The following HIP1 variants were observed in gnomAD, a reference collection of about 807,000 sequenced individuals.
HIP1 encodes huntingtin interacting protein 1, also known as huntingtin-interacting protein 1.
A neutral mutation model predicts 147.6 loss-of-function variants in HIP1; 65 were observed. The ratio of observed to expected loss-of-function variants is 0.44; its 90% CI spans 0.36 to 0.54. HIP1 has a LOEUF of 0.54. HIP1 is among the 20% of genes least tolerant of loss of function. The pLI is 0.00. For synonymous variants in HIP1, 479 were observed against 504.0 expected (o/e 0.95, Z 0.67); for missense variants, 1,061 against 1,299.6 (o/e 0.82, Z 2.82).
At chr7:75,631,289 AAGTG>A (rs1212416658) in intron 1 of HIP1, among the ~76,000 whole-genome samples, 11 of 152,122 alleles carry the variant, frequency 7.2e-5, no homozygotes, top group African/African-American at 2.7e-4. Context: ...CAAGTACTTT[AAGTG>A]AGCATCTTGA....
At position 75,547,726 on chromosome 7, in the gene HIP1, C is replaced by T. The variant is rs782755758; in HGVS notation, c.2465+29G>A. 251 of 1,591,618 alleles carry T rather than the reference C, an allele frequency of 1.6e-4. 1 individual carries two copies. The East Asian group carries it at 4.6e-3, about 29-fold the overall frequency. ...TGTCAGGAAGACAGATCCTGCTCCC[C>T]TAGGTCCCACCATGCCGCTCAGACC... is the stretch of plus-strand genomic sequence containing the variant. On this transcript the variant is annotated intron_variant, in intron 24 of 30. Transcript: ENST00000336926.
At chr7:75,599,399 G>T in intron 1 of HIP1, 152 bp from the exon 2 acceptor site, 3 of 634,584 alleles carry the variant, frequency 4.7e-6, no homozygotes, top group East Asian at 2.7e-5. Context: ...GCGCCCAGCT[G>T]GGGGCAGAGG....
chr7:75,638,057 G>A (rs917132463), intron 1 of HIP1, among the ~76,000 whole-genome samples: 1 of 113,084 alleles, frequency 8.8e-6, no homozygotes, highest in Non-Finnish European at 1.7e-5. Context: ...TCCTTTCCTC[G>A]AAAGCCCTGA....
chr7:75,581,216 G>T, intron 7 of HIP1, 21 bp downstream of exon 7: 1 of 1,588,432 alleles, frequency 6.3e-7, no homozygotes, highest in Non-Finnish European at 8.6e-7. Flanking sequence ...GCCTGGGTTA[G>T]ACGGGAGGGA....
At chr7:75,681,705 C>A (rs553270170) in intron 1 of HIP1, among the ~76,000 whole-genome samples, 1 of 151,940 alleles carries the variant, frequency 6.6e-6, no homozygotes, top group East Asian at 1.9e-4. Flanking sequence ...CAAGGTCTCA[C>A]TATGTTGCCC....
intron 1 of HIP1, among the ~76,000 whole-genome samples, chr7:75,606,150 G>T (rs1250752915): frequency 6.6e-6 from 1 of 152,066 alleles, no homozygotes; most frequent in Non-Finnish European, 1.5e-5. Flanking sequence ...TGCCCAGCCA[G>T]AAGCTATTTA....
At chr7:75,591,993 C>A in intron 4 of HIP1, 63 bp downstream of exon 4, 1 of 1,290,908 alleles carries the variant, frequency 7.7e-7, no homozygotes, top group Non-Finnish European at 1.1e-6. Flanking sequence ...CCAGTCCTTG[C>A]TCTGTGGCCT....
intron 29 of HIP1, among the ~76,000 whole-genome samples, chr7:75,541,051 G>A (rs587604031): frequency 8.6e-5 from 13 of 150,956 alleles, no homozygotes; most frequent in African/African-American, 3.2e-4. Flanking sequence ...GGTTGTGTGA[G>A]GCCAGGAGTT....
At chr7:75,711,119 T>C (rs1801155416) in intron 1 of HIP1, among the ~76,000 whole-genome samples, 1 of 152,170 alleles carries the variant, frequency 6.6e-6, no homozygotes, top group Non-Finnish European at 1.5e-5. Flanking sequence ...ATGTTGTGGA[T>C]ATAATGTGTA....
intron 1 of HIP1, among the ~76,000 whole-genome samples, chr7:75,693,636 A>T (rs1455617407): frequency 1.3e-5 from 2 of 151,952 alleles, no homozygotes; most frequent in African/African-American, 4.8e-5. Flanking sequence ...GCGCTTTGGG[A>T]GGCCGAGGTG....
intron 8 of HIP1, among the ~76,000 whole-genome samples, chr7:75,571,945 C>G (rs981323819): frequency 5.9e-5 from 9 of 152,122 alleles, no homozygotes; most frequent in African/African-American, 2.2e-4. Flanking sequence ...TGTGGTGGGT[C>G]ATACCTGTAA....
chr7:75,631,050 C>T (rs1584900709), intron 1 of HIP1, among the ~76,000 whole-genome samples: 1 of 152,134 alleles, frequency 6.6e-6, no homozygotes, highest in African/African-American at 2.4e-5. Context: ...AACTCTTGGG[C>T]TCAAGTGATC....
intron 1 of HIP1, among the ~76,000 whole-genome samples, chr7:75,713,701 A>AT (rs10685090): frequency 0.027 from 3,915 of 146,008 alleles, 153 homozygotes; most frequent in African/African-American, 0.083. Context: ...GTGACATGCC[A>AT]TTTTTTTTTT....
At chr7:75,685,098 A>G (rs1780679405) in intron 1 of HIP1, among the ~76,000 whole-genome samples, 2 of 152,036 alleles carry the variant, frequency 1.3e-5, no homozygotes, top group South Asian at 4.1e-4. Context: ...CTCAAAAAAA[A>G]TAAATAAATA....
chr7:75,596,681 T>C (rs1382430579), intron 2 of HIP1, among the ~76,000 whole-genome samples: 1 of 152,122 alleles, frequency 6.6e-6, no homozygotes, highest in Non-Finnish European at 1.5e-5. Context: ...CCACCACACC[T>C]GGCCTGAAAT....
chr7:75,736,071 A>C (rs138770110), intron 1 of HIP1, among the ~76,000 whole-genome samples: 182 of 152,116 alleles, frequency 1.2e-3, no homozygotes, highest in African/African-American at 4.2e-3. Flanking sequence ...GTCTTAAAAA[A>C]AAAAAAAGTT....
intron 1 of HIP1, chr7:75,626,516 C>T: frequency 6.6e-6 from 1 of 152,182 alleles, no homozygotes; most frequent in East Asian, 1.9e-4. Flanking sequence ...GGTAATTCAT[C>T]TGCCCTCACC....
Position 75,554,513 on chromosome 7 carries a change from G to A in HIP1, c.1977C>T (p.Ser659=). 1 of 1,613,582 alleles carries A rather than the reference G, an allele frequency of 6.2e-7. No individual in the cohort carries two copies. The highest frequency in any genetic ancestry group is 8.5e-7 in the Non-Finnish European group (1 of 1,179,704). The change falls in exon 20 of 31, where the codon TCC becomes TCT. Residue 659 remains serine (S), a synonymous_variant. Transcript: ENST00000336926. ...SCAGSADHLL[S]TVTSISSCIE... ...TGCAGCTGGAAATGGATGTGACCGT[G>A]GAGAGGAGGTGATCTGTGAGAGGGA...
chr7:75,641,082 G>A (rs1798636286), intron 1 of HIP1, among the ~76,000 whole-genome samples: 1 of 151,930 alleles, frequency 6.6e-6, no homozygotes, highest in Non-Finnish European at 1.5e-5. Context: ...TGAGGCAGGT[G>A]GATCACTTGA....
Sources: gnomAD v4.1 joint callset for allele counts (sites outside exome capture counted in the v4.1 genomes callset) on GRCh38, gnomAD v4.1.1 for gene constraint, MANE v1.5 for transcripts, NCBI Gene and HGNC (gene_info 2026-07-23, HGNC 2026-07-21) for gene names.